The following DGKI variants were observed in gnomAD, a reference collection of about 807,000 sequenced individuals.
DGKI encodes the protein diacylglycerol kinase iota.
DGKI carries 55 observed loss-of-function variants against 147.5 expected under a neutral mutation model. That is an observed-to-expected ratio of 0.37 (90% CI 0.30 to 0.47). The LOEUF is 0.47. Ranked by LOEUF, DGKI falls within the 20% of genes least tolerant of loss-of-function variation. The probability of loss-of-function intolerance (pLI) is 1.00; values close to 1 mark genes in which losing one functional copy is unlikely to be tolerated. For synonymous variants in DGKI, 469 were observed against 477.1 expected, an observed-to-expected ratio of 0.98 and a Z score of 0.22; for missense variants, 1,007 against 1,323.8, an observed-to-expected ratio of 0.76 and a Z score of 3.71.
intron 27 of DGKI, among the ~76,000 whole-genome samples, chr7:137,450,583 G>T (rs568564986): frequency 5.3e-5 from 8 of 152,068 alleles, no homozygotes; most frequent in African/African-American, 1.7e-4. Context: ...TTAGCCAAGC[G>T]TGGTGGCACG....
chr7:137,678,349 A>AT (rs1257709377), intron 3 of DGKI, among the ~76,000 whole-genome samples: 9 of 152,354 alleles, frequency 5.9e-5, no homozygotes, highest in African/African-American at 2.2e-4. Context: ...CCTGGCCTGC[A>AT]TAAGTGAACC....
At chr7:137,742,721 G>A (rs529477275) in intron 1 of DGKI, among the ~76,000 whole-genome samples, 3 of 148,834 alleles carry the variant, frequency 2.0e-5, no homozygotes, top group Admixed American at 6.6e-5. Context: ...CTCAGCTACC[G>A]GGGGAAAAAA....
chr7:137,562,749 T>C (rs914358832), intron 19 of DGKI, among the ~76,000 whole-genome samples: 6 of 151,990 alleles, frequency 3.9e-5, no homozygotes, highest in African/African-American at 1.4e-4. Flanking sequence ...CAAGAAGAAA[T>C]AGATAATATG....
intron 1 of DGKI, among the ~76,000 whole-genome samples, chr7:137,775,388 C>A (rs1306334431): frequency 1.3e-5 from 2 of 152,226 alleles, no homozygotes; most frequent in African/African-American, 2.4e-5. Flanking sequence ...TCTTCTCCTT[C>A]ACTTTCTACC....
At chr7:137,533,018 G>A (rs1215213909) in intron 20 of DGKI, among the ~76,000 whole-genome samples, 1 of 152,178 alleles carries the variant, frequency 6.6e-6, no homozygotes, top group Non-Finnish European at 1.5e-5. Flanking sequence ...TAATGGGTCA[G>A]TTGGGGCCAG....
In DGKI at chr7:137,573,446, C is replaced by G. The variant is rs1224539137; in HGVS notation, c.1762-608G>C. Among the ~76,000 whole-genome samples the G allele has an allele frequency of 4.6e-5, 7 of 152,238 alleles. No individual in the cohort carries two copies. In the East Asian group the frequency reaches 1.4e-3, roughly 29 times the overall value. ...GAAACTTAATCTTGTACAGACTCAC[C>G]CAGGCCGAAGTGCAATGGCGTGATC... On this transcript the variant is annotated intron_variant, in intron 17 of 32. Transcript: ENST00000614521.
At chr7:137,522,050 G>T in intron 20 of DGKI, 84 bp from the exon 21 acceptor site, 3 of 913,296 alleles carry the variant, frequency 3.3e-6, no homozygotes, top group East Asian at 2.6e-5. Context: ...GGGCAATATT[G>T]TCTCTTCATG....
At chr7:137,624,527 CA>C (rs1820864116) in intron 6 of DGKI, among the ~76,000 whole-genome samples, 1 of 152,146 alleles carries the variant, frequency 6.6e-6, no homozygotes, top group Admixed American at 6.5e-5. Context: ...TGGCATTTTT[CA>C]GCGCCCATAA....
chr7:137,832,765 A>T (rs1482002531), intron 1 of DGKI, among the ~76,000 whole-genome samples: 1 of 152,238 alleles, frequency 6.6e-6, no homozygotes, highest in Non-Finnish European at 1.5e-5. Context: ...TTGCATCGTC[A>T]GGCTGCAAAT....
chr7:137,529,599 T>A (rs988482153), intron 20 of DGKI, among the ~76,000 whole-genome samples: 2 of 152,342 alleles, frequency 1.3e-5, no homozygotes, highest in African/African-American at 4.8e-5. Context: ...TATAGCAGTT[T>A]CATCATTTTT....
intron 25 of DGKI, 66 bp from the exon 26 acceptor site, chr7:137,466,101 T>C (rs1814647702): frequency 4.4e-6 from 7 of 1,577,266 alleles, no homozygotes; most frequent in South Asian, 1.1e-5. Flanking sequence ...TCTCGAGGAA[T>C]AATGAAATTC....
chr7:137,544,510 G>A (rs1160884812), intron 20 of DGKI, among the ~76,000 whole-genome samples: 1 of 152,146 alleles, frequency 6.6e-6, no homozygotes, highest in Non-Finnish European at 1.5e-5. Context: ...CACAGAGCAA[G>A]TGCAAAATAA....
chr7:137,557,458 T>C (rs965417591), intron 19 of DGKI, among the ~76,000 whole-genome samples: 1 of 152,176 alleles, frequency 6.6e-6, no homozygotes, highest in Non-Finnish European at 1.5e-5. Flanking sequence ...CATTATAAAT[T>C]ATTGGAGAAA....
intron 12 of DGKI, among the ~76,000 whole-genome samples, chr7:137,587,576 T>C (rs1819452478): frequency 6.6e-6 from 1 of 152,226 alleles, no homozygotes; most frequent in Non-Finnish European, 1.5e-5. Flanking sequence ...TTCTGACTCA[T>C]GCTGGCTGCA....
At chr7:137,690,031 A>AACAAAG (rs145453298) in intron 1 of DGKI, 29 bp from the exon 2 acceptor site, 189,595 of 1,541,318 alleles carry the variant, frequency 0.12, 13,628 homozygotes, top group Non-Finnish European at 0.14. Flanking sequence ...CAAAAACAAA[A>AACAAAG]ACAAAGAAAA....
Position 137,599,822 on chromosome 7 carries a change from C to T in DGKI, c.1250+1G>A, listed in dbSNP as rs1457531587. 1.9e-6 allele frequency: 3 copies of T among 1,613,472 alleles called. No individual in the cohort carries two copies. Among genetic ancestry groups the T allele is most frequent in the Non-Finnish European group, 2.5e-6 (3 of 1,179,500 alleles). ...ACCATGGAGAATATTTCCAGACTTA[C>T]GCATCTTTTGGCCCTTCCTGAGAAA... On this transcript the variant is annotated splice_donor_variant, in intron 11 of 32. Transcript: ENST00000614521. LOFTEE classifies it high-confidence loss of function.
In DGKI at chr7:137,550,452, A is replaced by G. The variant is rs564065216; in HGVS notation, c.2147+1917T>C. On this transcript the variant is annotated intron_variant, in intron 20 of 32. Coordinates refer to ENST00000614521, the MANE Select transcript of DGKI (RefSeq NM_001321708.2). ...TGGCCTCCCAAAGTGCTGGGATTACAGGTGTGAGCCACCGTACCCAGCCAG... is the reference window on the plus strand; with the variant it reads ...TGGCCTCCCAAAGTGCTGGGATTACGGGTGTGAGCCACCGTACCCAGCCAG... Among the ~76,000 whole-genome samples, 14 of 152,294 alleles carry G rather than the reference A, an allele frequency of 9.2e-5. No individual in the cohort carries two copies. In the South Asian group the frequency reaches 2.9e-3, roughly 32 times the overall value.
intron 28 of DGKI, among the ~76,000 whole-genome samples, chr7:137,443,552 G>T (rs1813594809): frequency 6.6e-6 from 1 of 152,212 alleles, no homozygotes; most frequent in Admixed American, 6.5e-5. Flanking sequence ...TCTTTTGAGT[G>T]AATTAGCTGT....
chr7:137,754,622 C>T (rs1435033819), intron 1 of DGKI, among the ~76,000 whole-genome samples: 1 of 152,338 alleles, frequency 6.6e-6, no homozygotes. Context: ...TTGTCATTCA[C>T]CTCATGGATA....
Sources: allele counts gnomAD v4.1 joint callset (sites outside exome capture counted in the v4.1 genomes callset), GRCh38; gene constraint gnomAD v4.1.1; transcripts MANE v1.5; gene names NCBI Gene and HGNC (gene_info 2026-07-23, HGNC 2026-07-21).